KIAA1549L: variants seen among roughly 807,000 people sequenced by gnomAD.
The protein encoded by KIAA1549L is KIAA1549 like, also known as UPF0606 protein KIAA1549L.
In KIAA1549L, 88 loss-of-function variants were observed where a neutral mutation model predicts 160.7. The ratio of observed to expected loss-of-function variants is 0.55; its 90% confidence interval spans 0.46 to 0.65. The LOEUF (loss-of-function observed/expected upper bound fraction) is 0.65, where lower values mean the gene tolerates loss of function less well. Ranked by LOEUF, KIAA1549L falls within the 30% of genes least tolerant of loss-of-function variation. The pLI is 0.00. For synonymous variants in KIAA1549L, 950 were observed against 976.7 expected, an observed-to-expected ratio of 0.97 and a Z score of 0.51; for missense variants, 2,258 against 2,437.5, an observed-to-expected ratio of 0.93 and a Z score of 1.55.
In KIAA1549L at chr11:33,559,929, T is replaced by C. The variant is rs767054764; in HGVS notation, c.4018+18T>C. ...TGCTGAACGTGAGTATGGCCATGCC[T>C]ATGGGGACCCCAGTGTTTCCCCTGT... On this transcript the variant is annotated intron_variant, in intron 7 of 20. Coordinates refer to ENST00000658780, the MANE Select transcript of KIAA1549L (RefSeq NM_012194.3). 1.2e-6 allele frequency: 2 copies of C among 1,609,404 alleles called. No individual in the cohort carries two copies. The highest frequency in any genetic ancestry group is 1.7e-6 in the Non-Finnish European group (2 of 1,175,970).
At chr11:33,598,189 T>TG (rs1491461677) in intron 12 of KIAA1549L, among the ~76,000 whole-genome samples, 6 of 128,652 alleles carry the variant, frequency 4.7e-5, no homozygotes, top group South Asian at 2.4e-4. Context: ...AGAGAGAATG[T>TG]TTGTGTGTGT....
At chr11:33,660,573 A>AAAAG (rs375602338) in intron 19 of KIAA1549L, among the ~76,000 whole-genome samples, 32 of 151,102 alleles carry the variant, frequency 2.1e-4, no homozygotes, top group African/African-American at 4.1e-4. Flanking sequence ...TCAAAAAAAA[A>AAAAG]AAAGAAAGAA....
At chr11:33,518,497 A>G (rs1013757093) in intron 1 of KIAA1549L, among the ~76,000 whole-genome samples, 1 of 152,198 alleles carries the variant, frequency 6.6e-6, no homozygotes, top group African/African-American at 2.4e-5. Context: ...AGCAGAGTCA[A>G]CTACATATTG....
intron 16 of KIAA1549L, among the ~76,000 whole-genome samples, chr11:33,622,076 A>G (rs1241856699): frequency 6.6e-6 from 1 of 151,934 alleles, no homozygotes; most frequent in African/African-American, 2.4e-5. Flanking sequence ...TGAAAATGTT[A>G]AGAAGGATGG....
rs187469439 is a variant in KIAA1549L, at chr11:33,647,462, G to A, written c.5760+1426G>A. On this transcript the variant is annotated intron_variant, in intron 17 of 20. Coordinates refer to ENST00000658780, the MANE Select transcript of KIAA1549L (RefSeq NM_012194.3). Reference sequence around the variant, plus strand: ...TTCCATATTTGAAAAAGCATCCAATGACTGAAAGCTTCTGTAATTTACACT... The same window carrying A: ...TTCCATATTTGAAAAAGCATCCAATAACTGAAAGCTTCTGTAATTTACACT... Among the ~76,000 whole-genome samples the A allele has an allele frequency of 2.4e-3, 356 of 151,028 alleles. 1 individual carries two copies. The highest frequency in any genetic ancestry group is 8.3e-3 in the African/African-American group (342 of 41,006).
intron 10 of KIAA1549L, among the ~76,000 whole-genome samples, chr11:33,579,533 C>T (rs1399302272): frequency 1.3e-5 from 2 of 152,080 alleles, no homozygotes; most frequent in African/African-American, 2.4e-5. Context: ...CCTCTGGCCT[C>T]ACGGATAAAG....
At position 33,614,549 on chromosome 11, in the gene KIAA1549L, TA is replaced by T. The variant is rs1564924657; in HGVS notation, c.5280-3983del. On this transcript the variant is annotated intron_variant, in intron 15 of 20. Transcript: ENST00000658780. ...GTAACAAGATATATATATATATATA[TA>T]TATATATATATATATATATATATAT... is the stretch of plus-strand genomic sequence containing the variant. Among the ~76,000 whole-genome samples, 14 of 11,300 alleles carry T rather than the reference TA, an allele frequency of 1.2e-3. 1 individual carries two copies. Among genetic ancestry groups the T allele is most frequent in the African/African-American group, 4.7e-3 (9 of 1,902 alleles). 7.4% of individuals were successfully genotyped at this position (11,300 alleles called of 152,430 possible). A position where few individuals can be genotyped will look rare whatever the true frequency, so the allele number is the denominator to read the frequency against.
intron 1 of KIAA1549L, among the ~76,000 whole-genome samples, chr11:33,452,033 A>G (rs75173961): frequency 0.018 from 2,796 of 152,236 alleles, 76 homozygotes; most frequent in African/African-American, 0.063. Context: ...AAAACCGATG[A>G]TTTTCCCCAT....
At chr11:33,524,214 C>G (rs1853560520) in intron 1 of KIAA1549L, among the ~76,000 whole-genome samples, 1 of 152,140 alleles carries the variant, frequency 6.6e-6, no homozygotes, top group South Asian at 2.1e-4. Flanking sequence ...TTCATTTCCT[C>G]TAGGGTTTCA....
chr11:33,656,116 C>T lies in KIAA1549L; in HGVS notation c.5858+7C>T, dbSNP rs776022064. 3.6e-5 allele frequency: 58 copies of T among 1,605,406 alleles called. 1 individual carries two copies. The East Asian group carries it at 3.8e-4, about 10-fold the overall frequency. On this transcript the variant is annotated splice_region_variant and intron_variant, in intron 18 of 20. Transcript: ENST00000658780. ...CTGTCGCTTCTCTCAGGCGGTAACACGTTCCTTTCTTTGTTTTGTTTGGAA... is the reference window on the plus strand; with the variant it reads ...CTGTCGCTTCTCTCAGGCGGTAACATGTTCCTTTCTTTGTTTTGTTTGGAA...
At chr11:33,570,469 A>G (rs1467031577) in intron 9 of KIAA1549L, among the ~76,000 whole-genome samples, 1 of 152,150 alleles carries the variant, frequency 6.6e-6, no homozygotes, top group Admixed American at 6.5e-5. Context: ...TTTGCTATTA[A>G]GTTGAAACTG....
At chr11:33,562,201 G>A (rs533118922) in intron 8 of KIAA1549L, among the ~76,000 whole-genome samples, 3 of 152,136 alleles carry the variant, frequency 2.0e-5, no homozygotes, top group Non-Finnish European at 4.4e-5. Flanking sequence ...AATAGAAAGG[G>A]GTTCTTTTGG....
intron 1 of KIAA1549L, among the ~76,000 whole-genome samples, chr11:33,449,959 C>T (rs1565142344): frequency 6.6e-6 from 1 of 152,196 alleles, no homozygotes; most frequent in Non-Finnish European, 1.5e-5. Flanking sequence ...GCCTTCCAGC[C>T]AACCCATTAG....
intron 1 of KIAA1549L, among the ~76,000 whole-genome samples, chr11:33,434,209 G>A (rs527725226): frequency 6.6e-6 from 1 of 152,170 alleles, no homozygotes; most frequent in East Asian, 1.9e-4. Flanking sequence ...ATTGAATCAT[G>A]GGGGCAGTTT....
chr11:33,668,840 A>AT lies in KIAA1549L; in HGVS notation c.*692dup, dbSNP rs1202324271. 1.3e-5 allele frequency: 2 copies of AT among 152,230 alleles called. No individual in the cohort carries two copies. Among genetic ancestry groups the AT allele is most frequent in the African/African-American group, 4.8e-5 (2 of 41,468 alleles). 9.4% of individuals were successfully genotyped at this position (152,230 alleles called of 1,614,324 possible). A position where few individuals can be genotyped will look rare whatever the true frequency, so the allele number is the denominator to read the frequency against. On this transcript the variant is annotated 3_prime_UTR_variant, in exon 21 of 21. Transcript: ENST00000658780. Reference sequence around the variant, plus strand: ...GGGAATGGTGGATTTGCGTTGACAGATTTTTTAAAAGGTGTTGCCATTTTG... The same window carrying AT: ...GGGAATGGTGGATTTGCGTTGACAGATTTTTTTAAAAGGTGTTGCCATTTTG...
intron 16 of KIAA1549L, among the ~76,000 whole-genome samples, chr11:33,645,221 T>C (rs1203828116): frequency 6.6e-6 from 1 of 152,054 alleles, no homozygotes; most frequent in African/African-American, 2.4e-5. Context: ...GTCTGATAAG[T>C]AGCATCAGGC....
chr11:33,472,098 CTTCCTTTCCTTTTT>C (rs1166002562), intron 1 of KIAA1549L, among the ~76,000 whole-genome samples: 2 of 151,676 alleles, frequency 1.3e-5, no homozygotes, highest in African/African-American at 4.8e-5. Flanking sequence ...CTCTTTCTTC[CTTCCTTTCCTTTTT>C]TTCCTTTCTC....
chr11:33,561,585 A>G, intron 7 of KIAA1549L, 91 bp from the exon 8 acceptor site: 1 of 1,048,972 alleles, frequency 9.5e-7, no homozygotes, highest in Non-Finnish European at 1.5e-6. Flanking sequence ...TGGGCAACAT[A>G]TCAAGATCCC....
rs752641357 is a variant in KIAA1549L, at chr11:33,618,518, T to C, written c.5280-15T>C. The C allele has an allele frequency of 1.9e-6, 3 of 1,597,736 alleles. No homozygotes were observed. Among genetic ancestry groups the C allele is most frequent in the African/African-American group, 2.7e-5 (2 of 74,600 alleles). ...GGCATTTGCTGCATCATAACAGTTG[T>C]TGAATTTTCTTCAGGCAACAGATGA... On this transcript the variant is annotated splice_polypyrimidine_tract_variant and intron_variant, in intron 15 of 20. Transcript: ENST00000658780.
Sources: gnomAD v4.1 joint callset for allele counts (sites outside exome capture counted in the v4.1 genomes callset) on GRCh38, gnomAD v4.1.1 for gene constraint, MANE v1.5 for transcripts, NCBI Gene and HGNC (gene_info 2026-07-23, HGNC 2026-07-21) for gene names.